Variants in EIF4A2 observed in about 807,000 individuals in gnomAD.
EIF4A2 encodes eukaryotic initiation factor 4A-II.
In EIF4A2, 9 loss-of-function variants were observed where a neutral mutation model predicts 50.6. The observed-to-expected ratio is 0.18, with a 90% CI of 0.11 to 0.31. The LOEUF is 0.31. Among genes scored for constraint, EIF4A2 ranks in the 10% least tolerant of loss-of-function variants. The probability of loss-of-function intolerance (pLI) is 1.00; values close to 1 mark genes in which losing one functional copy is unlikely to be tolerated. For synonymous variants in EIF4A2, 215 were observed against 164.4 expected (o/e 1.31, Z -2.35); for missense variants, 182 against 501.8 (o/e 0.36, Z 6.09).
At chr3:186,784,178 T>A in intron 1 of EIF4A2, 1 of 568,222 alleles carries the variant, frequency 1.8e-6, no homozygotes, top group Non-Finnish European at 3.1e-6. Flanking sequence ...AGTTCGGCGC[T>A]CCGAGCTCTC....
chr3:186,787,924 CG>C lies in EIF4A2; in HGVS notation c.1079+43del, dbSNP rs1721841146. On this transcript the variant is annotated intron_variant, in intron 10 of 10. Transcript: ENST00000323963. ...TTGGCTGTATTGAAAAAAATTCATA[CG>C]TTTTTCTACTGTGATTTGTATGAAA... 9.4e-6 allele frequency: 15 copies of C among 1,587,882 alleles called. No homozygotes were observed. In the East Asian group the frequency reaches 3.4e-4, roughly 36 times the overall value.
chr3:186,784,766 T>G, intron 3 of EIF4A2, 70 bp downstream of exon 3: 2 of 1,608,660 alleles, frequency 1.2e-6, no homozygotes, highest in Non-Finnish European at 1.7e-6. Flanking sequence ...AAGTAACCTC[T>G]GGGGGACTAG....
chr3:186,784,214 G>A (rs571805774), intron 1 of EIF4A2: 1 of 631,728 alleles, frequency 1.6e-6, no homozygotes, highest in African/African-American at 1.8e-5. Context: ...GTTGAAACGG[G>A]ATCGCCATGC....
chr3:186,787,435 G>A, intron 8 of EIF4A2, 60 bp from the exon 9 acceptor site: 1 of 1,610,470 alleles, frequency 6.2e-7, no homozygotes, highest in Non-Finnish European at 8.5e-7. Flanking sequence ...CATACATGTT[G>A]ATTAAAATTA....
chr3:186,783,988 T>A (rs748883741), intron 1 of EIF4A2: 12 of 420,366 alleles, frequency 2.9e-5, no homozygotes, highest in Non-Finnish European at 3.9e-5. Flanking sequence ...TTTTCGGTCA[T>A]CCACACGAGT....
At chr3:186,784,054 C>T (rs899103379) in intron 1 of EIF4A2, 9 of 427,504 alleles carry the variant, frequency 2.1e-5, no homozygotes, top group Admixed American at 8.1e-5. Context: ...GGTCTCCACT[C>T]GGCCACGGCG....
intron 3 of EIF4A2, 38 bp from the exon 4 acceptor site, chr3:186,784,924 G>A (rs1319400089): frequency 6.2e-7 from 1 of 1,613,870 alleles, no homozygotes; most frequent in Non-Finnish European, 8.5e-7. Context: ...GTGACAATTT[G>A]ATGTGGGATC....
Position 186,787,841 on chromosome 3 carries a change from A to G in EIF4A2, c.1038A>G (p.Ile346Met). Reference protein sequence around the residue: ...GIDVQQVSLVINYDLPTNREN... With the variant: ...GIDVQQVSLVMNYDLPTNREN... ...ATGTGCAACAAGTGTCTTTGGTTAT[A>G]AATTATGATCTACCTACCAATCGTG... The change falls in exon 10 of 11, where the codon ATA (isoleucine) becomes ATG (methionine). Residue 346 changes from isoleucine (I) to methionine (M), a missense_variant. Around this residue, in one of 7 missense-constraint regions of EIF4A2, gnomAD observed 7 missense variants for 16.2 expected, o/e 0.43. Transcript: ENST00000323963. 1 of 1,613,932 alleles carries G rather than the reference A, an allele frequency of 6.2e-7. No individual in the cohort carries two copies. Among genetic ancestry groups the G allele is most frequent in the Non-Finnish European group, 8.5e-7 (1 of 1,179,962 alleles).
Position 186,789,747 on chromosome 3 carries a change from A to G in EIF4A2, c.*478A>G, listed in dbSNP as rs1280723435. ...TTGTTTGGTATTGTATTTATTCAATAAAGTATTTAATTAGTGCTAAGTGTG... is the reference window on the plus strand; with the variant it reads ...TTGTTTGGTATTGTATTTATTCAATGAAGTATTTAATTAGTGCTAAGTGTG... On this transcript the variant is annotated 3_prime_UTR_variant, in exon 11 of 11. Transcript: ENST00000323963. 2 of 469,032 alleles carry G rather than the reference A, an allele frequency of 4.3e-6. No individual in the cohort carries two copies. Among genetic ancestry groups the G allele is most frequent in the African/African-American group, 2.0e-5 (1 of 50,062 alleles). 29.1% of individuals were successfully genotyped at this position (469,032 alleles called of 1,614,324 possible).
intron 9 of EIF4A2, 107 bp downstream of exon 9, chr3:186,787,691 A>ACACT: frequency 6.3e-7 from 1 of 1,582,772 alleles, no homozygotes; most frequent in Non-Finnish European, 8.7e-7. Flanking sequence ...GTAAAAGACC[A>ACACT]CACTCCACAG....
At chr3:186,788,269 T>C in intron 10 of EIF4A2, 11 of 1,287,544 alleles carry the variant, frequency 8.5e-6, no homozygotes, top group Non-Finnish European at 1.1e-5. Context: ...TGAATTGTAC[T>C]TTGTTATATG....
At chr3:186,785,518 AG>A (rs1305285544) in intron 4 of EIF4A2, 1 of 297,412 alleles carries the variant, frequency 3.4e-6, no homozygotes, top group African/African-American at 2.1e-5. Flanking sequence ...TATTGAGGTC[AG>A]GATTATATAA....
Position 186,786,568 on chromosome 3 carries a change from C to G in EIF4A2, c.694C>G (p.Pro232Ala). ...AGTGACCAAAAAATTCATGAGAGAT[C>G]CAATTCGAATTCTGGTGAAAAAGGA... ...LEVTKKFMRD[P>A]IRILVKKEEL... The change falls in exon 7 of 11, where the codon CCA becomes GCA. Residue 232 changes from proline to alanine, a missense_variant. Pro to Ala is a conservative substitution (Grantham distance 27). Coordinates refer to ENST00000323963, the MANE Select transcript of EIF4A2 (RefSeq NM_001967.4). 6.2e-7 allele frequency: 1 copy of G among 1,613,636 alleles called. No homozygotes were observed. The highest frequency in any genetic ancestry group is 8.5e-7 in the Non-Finnish European group (1 of 1,179,986).
Position 186,784,669 on chromosome 3 carries a change from C to T in EIF4A2, c.181C>T (p.Gln61Ter). The change falls in exon 3 of 11, where the codon CAG becomes TAG. Residue 61 changes from glutamine (Q) to a stop codon, truncating the protein, a stop_gained. Coordinates refer to ENST00000323963, the MANE Select transcript of EIF4A2 (RefSeq NM_001967.4). LOFTEE classifies it high-confidence loss of function. Reference protein sequence around the residue: ...YGFEKPSAIQQRAIIPCIKGY... With the variant: ...YGFEKPSAIQ ...TTTTGAGAAGCCTTCCGCTATTCAG[C>T]AGAGAGCTATTATTCCCTGTATTAA... 1 of 1,614,196 alleles carries T rather than the reference C, an allele frequency of 6.2e-7. No homozygotes were observed.
At chr3:186,785,837 T>C (rs1230482022) in intron 4 of EIF4A2, 46 bp from the exon 5 acceptor site, 7 of 1,561,766 alleles carry the variant, frequency 4.5e-6, no homozygotes, top group East Asian at 2.3e-5. Context: ...AAATTAGTCA[T>C]TGATCCTGGA....
chr3:186,787,723 G>A, intron 9 of EIF4A2, 80 bp from the exon 10 acceptor site: 4 of 1,596,516 alleles, frequency 2.5e-6, no homozygotes, highest in Non-Finnish European at 3.4e-6. Flanking sequence ...ACTTAGTATA[G>A]TTCGCTACTA....
At chr3:186,789,097 T>A (rs754575978) in intron 10 of EIF4A2, 28 bp from the exon 11 acceptor site, 11 of 1,607,984 alleles carry the variant, frequency 6.8e-6, no homozygotes, top group Non-Finnish European at 4.2e-6. Context: ...ATGTGAGAAG[T>A]AACGTTCTGA....
intron 1 of EIF4A2, 144 bp from the exon 2 acceptor site, chr3:186,784,288 A>G (rs757655214): frequency 6.7e-6 from 8 of 1,192,584 alleles, no homozygotes; most frequent in East Asian, 4.8e-5. Flanking sequence ...GAAGGCGCAC[A>G]GTGTGGATAT....
intron 8 of EIF4A2, 80 bp downstream of exon 8, chr3:186,787,344 C>A: frequency 6.2e-7 from 1 of 1,611,428 alleles, no homozygotes; most frequent in South Asian, 1.1e-5. Context: ...GCTGTGTTGT[C>A]GTTCCCCCTG....
Sources: allele counts gnomAD v4.1 joint callset, GRCh38; gene constraint gnomAD v4.1.1; regional missense constraint gnomAD v4.1.1; transcripts MANE v1.5; gene names NCBI Gene and HGNC (gene_info 2026-07-23, HGNC 2026-07-21).